ESRRG: variants seen among roughly 807,000 people sequenced by gnomAD.
ESRRG encodes the protein estrogen-related receptor gamma.
A neutral mutation model predicts 44.0 loss-of-function variants in ESRRG; 13 were observed. The observed-to-expected ratio is 0.30, with a 90% CI of 0.19 to 0.47. ESRRG has a LOEUF of 0.47. Among genes scored for constraint, ESRRG ranks in the 20% least tolerant of loss-of-function variants. ESRRG has a pLI of 1.00. For synonymous variants in ESRRG, 215 were observed against 214.6 expected (o/e 1.00, Z -0.02); for missense variants, 395 against 580.6 (o/e 0.68, Z 3.29).
intron 1 of ESRRG, among the ~76,000 whole-genome samples, chr1:216,999,847 C>A (rs184727278): frequency 1.2e-3 from 182 of 152,322 alleles, no homozygotes; most frequent in Middle Eastern, 6.8e-3. Context: ...TGGCAAACCA[C>A]TCAACCCTTG....
intron 2 of ESRRG, among the ~76,000 whole-genome samples, chr1:216,868,585 C>T (rs193036030): frequency 6.6e-6 from 1 of 152,172 alleles, no homozygotes; most frequent in East Asian, 1.9e-4. Flanking sequence ...TAAATATCCA[C>T]GAGTGGGATT....
At chr1:216,807,392 CAT>C (rs1057238163) in intron 2 of ESRRG, among the ~76,000 whole-genome samples, 18 of 152,114 alleles carry the variant, frequency 1.2e-4, no homozygotes, top group African/African-American at 4.3e-4. Context: ...CTGAGAAAAA[CAT>C]ATCACATTGC....
At chr1:216,821,686 G>GAAA (rs2095292081) in intron 2 of ESRRG, among the ~76,000 whole-genome samples, 1 of 38,624 alleles carries the variant, frequency 2.6e-5, no homozygotes, top group Non-Finnish European at 6.4e-5. Flanking sequence ...ACCTGCCTCA[G>GAAA]GAAAAATAAA....
At chr1:216,860,519 C>T (rs1370147) in intron 2 of ESRRG, among the ~76,000 whole-genome samples, 74,423 of 151,708 alleles carry the variant, frequency 0.49, 20,607 homozygotes, top group African/African-American at 0.76. Flanking sequence ...ACAGAAGACA[C>T]TACATGGAGA....
intron 1 of ESRRG, among the ~76,000 whole-genome samples, chr1:217,117,127 T>C (rs529854704): frequency 6.6e-6 from 1 of 152,308 alleles, no homozygotes; most frequent in South Asian, 2.1e-4. Context: ...TTTGTCATAA[T>C]TGGGTTCAAA....
At chr1:216,954,946 G>A (rs918023128) in intron 1 of ESRRG, among the ~76,000 whole-genome samples, 6 of 151,960 alleles carry the variant, frequency 3.9e-5, no homozygotes, top group Non-Finnish European at 8.8e-5. Context: ...ATATTTATGC[G>A]GTATAGAGTG....
intron 2 of ESRRG, among the ~76,000 whole-genome samples, chr1:216,824,041 G>T (rs547127913): frequency 1.3e-5 from 2 of 152,248 alleles, no homozygotes. Context: ...CACCAGTAAT[G>T]ATGAAGCAAA....
intron 3 of ESRRG, among the ~76,000 whole-genome samples, chr1:216,584,181 T>G (rs1054075343): frequency 6.6e-6 from 1 of 152,154 alleles, no homozygotes; most frequent in Non-Finnish European, 1.5e-5. Context: ...GCTTATAAGA[T>G]CTTTCTAAAC....
intron 2 of ESRRG, among the ~76,000 whole-genome samples, chr1:216,911,780 A>G (rs1437361002): frequency 6.6e-6 from 1 of 152,082 alleles, no homozygotes; most frequent in Admixed American, 6.6e-5. Flanking sequence ...TTAAAAAAAG[A>G]AAAGACAGGC....
chr1:216,619,088 G>A (rs2061816997), intron 3 of ESRRG, among the ~76,000 whole-genome samples: 1 of 152,324 alleles, frequency 6.6e-6, no homozygotes, highest in South Asian at 2.1e-4. Context: ...TGCATTCTTA[G>A]CTCTTTTCCT....
At chr1:216,678,088 T>G (rs1401781107) in intron 1 of ESRRG, among the ~76,000 whole-genome samples, 1 of 152,212 alleles carries the variant, frequency 6.6e-6, no homozygotes, top group Non-Finnish European at 1.5e-5. Flanking sequence ...TTGATCTGAC[T>G]AAAACACATA....
chr1:216,778,585 G>T (rs2093698826), intron 2 of ESRRG, among the ~76,000 whole-genome samples: 1 of 151,924 alleles, frequency 6.6e-6, no homozygotes, highest in African/African-American at 2.4e-5. Flanking sequence ...GAGGTCAGAA[G>T]TGGGCTCCCT....
At chr1:216,819,725 T>A (rs1404856416) in intron 2 of ESRRG, among the ~76,000 whole-genome samples, 1 of 152,178 alleles carries the variant, frequency 6.6e-6, no homozygotes, top group African/African-American at 2.4e-5. Context: ...CTATTCAAAT[T>A]AGACAATTCT....
intron 2 of ESRRG, among the ~76,000 whole-genome samples, chr1:216,921,793 G>C (rs183598009): frequency 6.6e-6 from 1 of 152,306 alleles, no homozygotes; most frequent in Admixed American, 6.5e-5. Context: ...GCAGCAATTT[G>C]TATTAATTTT....
At position 216,643,492 on chromosome 1, in the gene ESRRG, T is replaced by C. The variant is rs2066874313; in HGVS notation, c.589+7481A>G. 3.9e-5 allele frequency among the ~76,000 whole-genome samples: 6 copies of C among 152,290 alleles called. No individual in the cohort carries two copies. The South Asian group carries it at 1.2e-3, about 32-fold the overall frequency. ...CCTTTAATTTCATAGAGACTGGCAA[T>C]TCTGGATGGATTTAAAATAATTTGT... is the stretch of plus-strand genomic sequence containing the variant. On this transcript the variant is annotated intron_variant, in intron 3 of 6. Transcript: ENST00000408911.
chr1:216,967,341 A>G (rs2070656307), intron 1 of ESRRG, among the ~76,000 whole-genome samples: 2 of 152,158 alleles, frequency 1.3e-5, no homozygotes, highest in Non-Finnish European at 2.9e-5. Context: ...TTATAATATC[A>G]TACAAAATAG....
chr1:216,902,459 G>A (rs2059193960), intron 2 of ESRRG, among the ~76,000 whole-genome samples: 1 of 151,022 alleles, frequency 6.6e-6, no homozygotes. Context: ...CTGCACTCCA[G>A]CCTAGGCAAC....
chr1:216,677,545 A>G, intron 1 of ESRRG, 54 bp from the exon 2 acceptor site: 2 of 1,407,800 alleles, frequency 1.4e-6, no homozygotes, highest in South Asian at 2.8e-5. Flanking sequence ...TGTCAAGCAC[A>G]GAGACCAAAA....
intron 1 of ESRRG, among the ~76,000 whole-genome samples, chr1:216,961,669 A>G (rs781460923): frequency 2.8e-4 from 43 of 151,596 alleles, no homozygotes; most frequent in African/African-American, 8.5e-4. Flanking sequence ...CTACGGCAGC[A>G]TATGTAAAAT....
Sources: gnomAD v4.1 joint callset for allele counts (sites outside exome capture counted in the v4.1 genomes callset) on GRCh38, gnomAD v4.1.1 for gene constraint, MANE v1.5 for transcripts, NCBI Gene and HGNC (gene_info 2026-07-23, HGNC 2026-07-21) for gene names.